Variants in NKTR observed in about 807,000 individuals in gnomAD.
NKTR encodes natural killer cell triggering receptor, also known as NK-tumor recognition protein.
A neutral mutation model predicts 156.3 loss-of-function variants in NKTR; 67 were observed. That is an observed-to-expected ratio of 0.43 (90% CI 0.35 to 0.53). The LOEUF (loss-of-function observed/expected upper bound fraction) is 0.53. NKTR is among the 20% of genes least tolerant of loss of function. NKTR has a pLI of 0.01. For missense variants in NKTR, 1,604 were observed against 1,730.9 expected (o/e 0.93, Z 1.30); for synonymous variants, 640 against 596.6 (o/e 1.07, Z -1.06).
intron 2 of NKTR, among the ~76,000 whole-genome samples, chr3:42,606,730 A>T (rs1706271772): frequency 6.6e-6 from 1 of 151,952 alleles, no homozygotes; most frequent in South Asian, 2.1e-4. Context: ...TTTCTTGGCC[A>T]GGCACAGTGG....
At chr3:42,615,735 A>T (rs1036205745) in intron 2 of NKTR, among the ~76,000 whole-genome samples, 2 of 152,190 alleles carry the variant, frequency 1.3e-5, no homozygotes, top group South Asian at 4.1e-4. Flanking sequence ...GCAAAGCGGG[A>T]TGATTTTGAA....
intron 2 of NKTR, chr3:42,602,811 G>T (rs1705679204): frequency 6.6e-6 from 1 of 151,878 alleles, no homozygotes; most frequent in Non-Finnish European, 1.5e-5. Flanking sequence ...GAGGTCAGGA[G>T]TTCGAGACCA....
At chr3:42,633,349 A>T (rs1258672069) in intron 9 of NKTR, 5 of 1,285,210 alleles carry the variant, frequency 3.9e-6, no homozygotes, top group African/African-American at 1.5e-5. Flanking sequence ...GCCTCCTGGA[A>T]CTCTTAAAAT....
Position 42,617,390 on chromosome 3 carries a change from T to TC in NKTR, c.59-180_59-179insC, listed in dbSNP as rs536676044. On this transcript the variant is annotated intron_variant, in intron 2 of 16. Transcript: ENST00000232978. Reference sequence around the variant, plus strand: ...GCATGTAAATTTTAACAATAACAAATAAAATGGTGTTCTTGTTCATAGGTA... The same window carrying TC: ...GCATGTAAATTTTAACAATAACAAATCAAAATGGTGTTCTTGTTCATAGGTA... Among the ~76,000 whole-genome samples, 307 of 152,296 alleles carry TC rather than the reference T, an allele frequency of 2.0e-3. 1 individual carries two copies. The highest frequency in any genetic ancestry group is 7.0e-3 in the African/African-American group (292 of 41,564).
At chr3:42,633,017 C>T in intron 9 of NKTR, 194 bp downstream of exon 9, 2 of 1,272,128 alleles carry the variant, frequency 1.6e-6, no homozygotes, top group Non-Finnish European at 2.0e-6. Context: ...TGTGTGTTTT[C>T]AGTTTTCGGG....
chr3:42,619,187 ATTAC>A (rs1346542399), intron 4 of NKTR, 60 bp downstream of exon 4: 32 of 1,573,306 alleles, frequency 2.0e-5, no homozygotes, highest in Admixed American at 1.5e-4. Flanking sequence ...GTATTTCATT[ATTAC>A]TTTTAGTTCT....
chr3:42,608,815 C>T (rs1428636517), intron 2 of NKTR, among the ~76,000 whole-genome samples: 1 of 152,066 alleles, frequency 6.6e-6, no homozygotes, highest in Non-Finnish European at 1.5e-5. Flanking sequence ...TGTTCTCTGT[C>T]AAGAATCTGA....
rs1239169691 is a variant in NKTR at position 42,636,970 on chromosome 3, A to G, written c.1266A>G (p.Arg422=). ...NGYYSDLSTA[R]HSGHHKKRRK... ...ATTATTCAGACCTTAGTACAGCAAG[A>G]CACTCTGGCCACCATAAAAAACGCA... is the stretch of plus-strand genomic sequence containing the variant. The change falls in exon 13 of 17, where the codon AGA becomes AGG. Residue 422 remains arginine, a synonymous_variant. Coordinates refer to ENST00000232978, the MANE Select transcript of NKTR (RefSeq NM_005385.4). The G allele has an allele frequency of 6.2e-7, 1 of 1,612,360 alleles. No individual in the cohort carries two copies. Among genetic ancestry groups the G allele is most frequent in the East Asian group, 2.2e-5 (1 of 44,876 alleles).
intron 6 of NKTR, 143 bp from the exon 7 acceptor site, chr3:42,630,403 A>C: frequency 1.4e-6 from 2 of 1,470,174 alleles, no homozygotes; most frequent in Non-Finnish European, 1.8e-6. Context: ...TTTTAAGGTT[A>C]GATATATATC....
chr3:42,635,438 C>G, intron 12 of NKTR, 72 bp downstream of exon 12: 1 of 1,185,316 alleles, frequency 8.4e-7, no homozygotes. Flanking sequence ...GGATACAATT[C>G]TGGACTTTTC....
At chr3:42,604,659 C>CCTTTTTTTTTTTTTTT (rs1706021574) in intron 2 of NKTR, among the ~76,000 whole-genome samples, 1 of 45,282 alleles carries the variant, frequency 2.2e-5, no homozygotes, top group Non-Finnish European at 4.0e-5. Context: ...TATTTCTCTC[C>CCTTTTTTTTTTTTTTT]TTTTTTTTTT....
At chr3:42,617,697 C>A in intron 3 of NKTR, 53 bp downstream of exon 3, 4 of 933,606 alleles carry the variant, frequency 4.3e-6, no homozygotes, top group Non-Finnish European at 7.0e-6. Context: ...TTTTACCTTG[C>A]TGAACAGAAT....
intron 4 of NKTR, 161 bp downstream of exon 4, chr3:42,619,288 AAAAAGC>A: frequency 7.0e-7 from 1 of 1,423,204 alleles, no homozygotes; most frequent in Non-Finnish European, 9.1e-7. Context: ...AGAATGTATG[AAAAAGC>A]AAAGTACCAC....
At chr3:42,631,391 T>C (rs1708881804) in intron 8 of NKTR, 75 bp downstream of exon 8, 1 of 1,520,054 alleles carries the variant, frequency 6.6e-7, no homozygotes, top group Non-Finnish European at 8.9e-7. Flanking sequence ...TAGATTTGAT[T>C]AGTGGAACTA....
chr3:42,620,914 T>A, intron 5 of NKTR: 1 of 914,866 alleles, frequency 1.1e-6, no homozygotes, highest in Non-Finnish European at 1.3e-6. Flanking sequence ...ATACACATAC[T>A]TAATTTAGAT....
intron 6 of NKTR, among the ~76,000 whole-genome samples, chr3:42,626,704 T>A (rs2125795976): frequency 6.6e-6 from 1 of 152,280 alleles, no homozygotes; most frequent in South Asian, 2.1e-4. Context: ...CATGAAAGGT[T>A]CTTTAATTAT....
chr3:42,602,108 G>A (rs34762478), intron 2 of NKTR: 26,044 of 152,144 alleles, frequency 0.17, 2,692 homozygotes, highest in African/African-American at 0.29. Flanking sequence ...CTGAGGTGAG[G>A]AGTAGTATAC....
chr3:42,601,208 C>G, intron 2 of NKTR, 144 bp downstream of exon 2: 1 of 616,526 alleles, frequency 1.6e-6, no homozygotes, highest in South Asian at 2.2e-5. Context: ...GAGAGAAAAT[C>G]AGTGGGAGAG....
chr3:42,617,031 A>T (rs1359164942), intron 2 of NKTR, among the ~76,000 whole-genome samples: 12 of 152,148 alleles, frequency 7.9e-5, no homozygotes, highest in Admixed American at 7.9e-4. Context: ...TGCTGGGATT[A>T]TAGGTGTGAG....
Sources: gnomAD v4.1 joint callset for allele counts (sites outside exome capture counted in the v4.1 genomes callset) on GRCh38, gnomAD v4.1.1 for gene constraint, MANE v1.5 for transcripts, NCBI Gene and HGNC (gene_info 2026-07-23, HGNC 2026-07-21) for gene names.